Variants in GK5 observed in about 807,000 individuals in gnomAD.
GK5 encodes ATP:glycerol 3-phosphotransferase 5.
GK5 carries 39 observed loss-of-function variants against 77.3 expected under a neutral mutation model. The observed-to-expected ratio is 0.50, with a 90% CI of 0.39 to 0.66. GK5 has a LOEUF of 0.66. Ranked by LOEUF, GK5 falls within the 30% of genes least tolerant of loss-of-function variation. The probability of loss-of-function intolerance (pLI) is 0.00; values close to 1 mark genes in which losing one functional copy is unlikely to be tolerated. For missense variants in GK5, 487 were observed against 633.8 expected, an observed-to-expected ratio of 0.77 and a Z score of 2.49; for synonymous variants, 211 against 208.0, an observed-to-expected ratio of 1.01 and a Z score of -0.13.
In GK5 at chr3:142,162,168, T is replaced by A. The variant is rs1337662112; in HGVS notation, c.*3454A>T. ...TTTATTTCAAGATACGATTAACTAA[T>A]TTTTTTGCTAACAACCATTTCCTAA... On this transcript the variant is annotated 3_prime_UTR_variant, in exon 16 of 16. Coordinates refer to ENST00000392993, the MANE Select transcript of GK5 (RefSeq NM_001039547.3). 1 of 152,178 alleles carries A rather than the reference T, an allele frequency of 6.6e-6. No individual in the cohort carries two copies. Among genetic ancestry groups the A allele is most frequent in the Admixed American group, 6.5e-5 (1 of 15,276 alleles). The allele number at this position is 152,178 out of a possible 1,614,324, so 9.4% of individuals were successfully genotyped here. A position where few individuals can be genotyped will look rare whatever the true frequency, so the allele number is the denominator to read the frequency against.
chr3:142,204,752 C>T lies in GK5; in HGVS notation c.354G>A (p.Trp118Ter), dbSNP rs1028066118. The change falls in exon 4 of 16, where the codon TGG (tryptophan) becomes TGA (stop). Residue 118 changes from tryptophan to a stop codon, truncating the protein, a stop_gained. Coordinates refer to ENST00000392993, the MANE Select transcript of GK5 (RefSeq NM_001039547.3). LOFTEE classifies it high-confidence loss of function. Reference sequence around the variant, plus strand: ...CAAGTTCAACAGCTCTTAAGTCTTGCCAACTTATAAAGTTGTGAAAATGAT... The same window carrying T: ...CAAGTTCAACAGCTCTTAAGTCTTGTCAACTTATAAAGTTGTGAAAATGAT... The part of the protein sequence containing the change: ...TGNHFHNFIS[W>*]QDLRAVELVK... The T allele has an allele frequency of 6.3e-7, 1 of 1,582,884 alleles. No individual in the cohort carries two copies. Among genetic ancestry groups the T allele is most frequent in the Non-Finnish European group, 8.6e-7 (1 of 1,157,818 alleles).
In GK5 at chr3:142,158,500, TG is replaced by T. The variant is rs2063399821; in HGVS notation, c.*7121del. ...GGGAAGGGAAAAATTCATATGCAGA[TG>T]AAAAATATTCTATTACTGTGGATCC... On this transcript the variant is annotated 3_prime_UTR_variant, in exon 16 of 16. Coordinates refer to ENST00000392993, the MANE Select transcript of GK5 (RefSeq NM_001039547.3). 6.6e-6 allele frequency: 1 copy of T among 152,642 alleles called. No individual in the cohort carries two copies. The highest frequency in any genetic ancestry group is 2.1e-4 in the South Asian group (1 of 4,834). 9.5% of individuals were successfully genotyped at this position (152,642 alleles called of 1,614,324 possible). A position where few individuals can be genotyped will look rare whatever the true frequency, so the allele number is the denominator to read the frequency against.
rs150132371 is a variant in GK5 at position 142,222,490 on chromosome 3, G to A, written c.147+2819C>T. On this transcript the variant is annotated intron_variant, in intron 1 of 15. Transcript: ENST00000392993. ...TGAGGCAGGAGAATAGCATGAAGCC[G>A]GGAGGCGGAGCTTGCAGTGAATCGA... 9.7e-4 allele frequency among the ~76,000 whole-genome samples: 148 copies of A among 152,200 alleles called. 2 individuals are homozygous for A. The highest frequency in any genetic ancestry group is 3.4e-3 in the African/African-American group (143 of 41,542).
chr3:142,203,963 G>T (rs569143606), intron 4 of GK5, among the ~76,000 whole-genome samples: 53 of 152,238 alleles, frequency 3.5e-4, no homozygotes, highest in African/African-American at 1.3e-3. Flanking sequence ...TGTTGCTATT[G>T]TCACTGTCAC....
chr3:142,212,829 C>CTTTTTTTTTT (rs746328758), intron 3 of GK5, among the ~76,000 whole-genome samples: 3 of 40,356 alleles, frequency 7.4e-5, no homozygotes, highest in Non-Finnish European at 1.5e-4. Flanking sequence ...CAAATATTTT[C>CTTTTTTTTTT]TTTTTTTTTT....
At chr3:142,205,142 A>G (rs377613684) in intron 3 of GK5, among the ~76,000 whole-genome samples, 2 of 152,192 alleles carry the variant, frequency 1.3e-5, no homozygotes, top group South Asian at 4.1e-4. Context: ...CCTGACCTAC[A>G]GAAGAGCTGA....
At position 142,196,378 on chromosome 3, in the gene GK5, T is replaced by C. The variant is rs374000757; in HGVS notation, c.543+2424A>G. ...AATTTAGTTTGCTCATCTTTTTCCA[T>C]GTCGTAAGGTAGAATGGTAGACTAT... On this transcript the variant is annotated intron_variant, in intron 5 of 15. Transcript: ENST00000392993. Among the ~76,000 whole-genome samples the C allele has an allele frequency of 3.7e-4, 56 of 152,128 alleles. 1 individual carries two copies. The East Asian group carries it at 8.7e-3, about 24-fold the overall frequency.
chr3:142,169,990 A>AT (rs1560208991), intron 15 of GK5, among the ~76,000 whole-genome samples: 1 of 152,080 alleles, frequency 6.6e-6, no homozygotes, highest in African/African-American at 2.4e-5. Context: ...TTGTTCTTTA[A>AT]TAAGTGTCAC....
chr3:142,179,145 G>C (rs2063660779), intron 11 of GK5, among the ~76,000 whole-genome samples: 1 of 152,148 alleles, frequency 6.6e-6, no homozygotes, highest in Non-Finnish European at 1.5e-5. Flanking sequence ...GCTTTAGAGA[G>C]CCTTAATTAA....
At chr3:142,181,072 G>C (rs1219982094) in intron 11 of GK5, among the ~76,000 whole-genome samples, 4 of 152,136 alleles carry the variant, frequency 2.6e-5, no homozygotes, top group Admixed American at 2.0e-4. Flanking sequence ...TATCGTACGT[G>C]AACAGCATTT....
At chr3:142,212,691 T>C (rs2064204229) in intron 3 of GK5, among the ~76,000 whole-genome samples, 2 of 152,192 alleles carry the variant, frequency 1.3e-5, no homozygotes, top group African/African-American at 2.4e-5. Context: ...TAAAAACAGA[T>C]ATGATGCCTA....
intron 7 of GK5, 34 bp downstream of exon 7, chr3:142,186,418 G>A: frequency 8.2e-7 from 1 of 1,216,120 alleles, no homozygotes. Context: ...ACACAAAAAT[G>A]TGTGATTCAA....
intron 3 of GK5, 50 bp downstream of exon 3, chr3:142,213,476 C>G (rs781717815): frequency 2.0e-6 from 2 of 1,025,542 alleles, no homozygotes; most frequent in Non-Finnish European, 3.1e-6. Context: ...ACCGTGTACT[C>G]ACTGTGGCAT....
intron 3 of GK5, among the ~76,000 whole-genome samples, chr3:142,207,075 C>T (rs1442305001): frequency 1.3e-5 from 2 of 152,164 alleles, no homozygotes; most frequent in East Asian, 1.9e-4. Flanking sequence ...GAGCCAACAG[C>T]GGGTGATGTG....
At chr3:142,202,012 A>C (rs1316072328) in intron 4 of GK5, among the ~76,000 whole-genome samples, 1 of 152,144 alleles carries the variant, frequency 6.6e-6, no homozygotes, top group Non-Finnish European at 1.5e-5. Context: ...TAAAAAGATG[A>C]GAAGGATCCA....
At chr3:142,175,630 T>C (rs1356915675) in intron 12 of GK5, among the ~76,000 whole-genome samples, 1 of 152,100 alleles carries the variant, frequency 6.6e-6, no homozygotes, top group Non-Finnish European at 1.5e-5. Flanking sequence ...AATTTCCAGT[T>C]AAAGTTTCAT....
At chr3:142,172,148 G>A (rs964941648) in intron 13 of GK5, among the ~76,000 whole-genome samples, 1 of 152,036 alleles carries the variant, frequency 6.6e-6, no homozygotes, top group Non-Finnish European at 1.5e-5. Context: ...AGTCTGAGTG[G>A]TGTTGGTACA....
chr3:142,187,345 T>C (rs1414375823), intron 6 of GK5, among the ~76,000 whole-genome samples: 1 of 151,342 alleles, frequency 6.6e-6, no homozygotes, highest in African/African-American at 2.4e-5. Flanking sequence ...GGCTTACGCC[T>C]GTAATCCCAG....
At chr3:142,205,805 T>C (rs2064097417) in intron 3 of GK5, among the ~76,000 whole-genome samples, 10 of 152,212 alleles carry the variant, frequency 6.6e-5, no homozygotes, top group Non-Finnish European at 1.5e-5. Flanking sequence ...TACAATTCAG[T>C]GGCAGTAAGT....
Sources: allele counts gnomAD v4.1 joint callset (sites outside exome capture counted in the v4.1 genomes callset), GRCh38; gene constraint gnomAD v4.1.1; transcripts MANE v1.5; gene names NCBI Gene and HGNC (gene_info 2026-07-23, HGNC 2026-07-21).